Variants in MAGI1 observed in about 807,000 individuals in gnomAD.
The protein encoded by MAGI1 is membrane-associated guanylate kinase, WW and PDZ domain-containing protein 1.
In MAGI1, 58 loss-of-function variants were observed where a neutral mutation model predicts 139.9. That is an observed-to-expected ratio of 0.41 (90% CI 0.34 to 0.52). MAGI1 has a LOEUF of 0.52. MAGI1 is among the 20% of genes least tolerant of loss of function. The pLI, the probability that MAGI1 is intolerant of heterozygous loss-of-function variation, is 0.12. For synonymous variants in MAGI1, 812 were observed against 737.9 expected (o/e 1.10, Z -1.63); for missense variants, 1,874 against 1,901.6 (o/e 0.99, Z 0.27).
intron 1 of MAGI1, among the ~76,000 whole-genome samples, chr3:65,658,200 T>C (rs949084621): frequency 2.6e-5 from 4 of 152,192 alleles, no homozygotes; most frequent in Non-Finnish European, 5.9e-5. Context: ...AATTAACTGA[T>C]TTTGGCTCAA....
chr3:65,881,176 C>G (rs2060313858), intron 1 of MAGI1, among the ~76,000 whole-genome samples: 1 of 152,066 alleles, frequency 6.6e-6, no homozygotes, highest in Admixed American at 6.5e-5. Flanking sequence ...ATGAGCCACT[C>G]TGGCATCTGA....
chr3:65,388,724 C>A (rs2106960387), intron 14 of MAGI1, among the ~76,000 whole-genome samples: 1 of 151,288 alleles, frequency 6.6e-6, no homozygotes, highest in South Asian at 2.1e-4. Context: ...ATCTATCCGT[C>A]AACTACAGAG....
At chr3:65,888,785 A>G (rs183657182) in intron 1 of MAGI1, among the ~76,000 whole-genome samples, 60 of 152,334 alleles carry the variant, frequency 3.9e-4, no homozygotes, top group Middle Eastern at 6.8e-3. Context: ...AGACCTTCCA[A>G]TTCAATGCTC....
At chr3:65,404,902 T>G (rs987991308) in intron 12 of MAGI1, among the ~76,000 whole-genome samples, 6 of 152,234 alleles carry the variant, frequency 3.9e-5, no homozygotes, top group African/African-American at 7.2e-5. Context: ...ACACTTTGTA[T>G]GCCTTGTGGC....
In MAGI1 at chr3:65,478,627, T is replaced by C; in HGVS notation, c.722A>G (p.Glu241Gly). Reference protein sequence around the residue: ...AGIVHAENEEEDDVPEMNSSF... With the variant: ...AGIVHAENEEGDDVPEMNSSF... The stretch of plus-strand genomic sequence containing the variant: ...GCTGTTCATTTCAGGAACGTCATCC[T>C]CCTCCTCATTCTCCGCGTGGACTAT... Residue 241 changes from glutamate to glycine, a missense_variant, in exon 4 of 23, where the codon GAG (glutamate) becomes GGG (glycine). This residue lies in a region of MAGI1 where 648 missense variants were observed against 598.1 expected (regional missense o/e 1.08). Transcript: ENST00000402939. 1 of 1,614,062 alleles carries C rather than the reference T, an allele frequency of 6.2e-7. No individual in the cohort carries two copies. The highest frequency in any genetic ancestry group is 1.1e-5 in the South Asian group (1 of 91,082).
intron 2 of MAGI1, among the ~76,000 whole-genome samples, chr3:65,517,192 C>A (rs1292570549): frequency 1.3e-5 from 2 of 152,142 alleles, no homozygotes; most frequent in Non-Finnish European, 2.9e-5. Flanking sequence ...TGCCTCAGGG[C>A]CTTTGCACTT....
At chr3:65,803,950 T>C (rs766178982) in intron 1 of MAGI1, among the ~76,000 whole-genome samples, 4 of 152,180 alleles carry the variant, frequency 2.6e-5, no homozygotes, top group Non-Finnish European at 4.4e-5. Context: ...TCAACAAAAA[T>C]TGTAACCAAG....
intron 9 of MAGI1, among the ~76,000 whole-genome samples, chr3:65,439,594 C>T (rs982860638): frequency 5.9e-5 from 9 of 152,106 alleles, no homozygotes; most frequent in Non-Finnish European, 7.4e-5. Context: ...GCAAATACTG[C>T]GGGGGCAAGA....
chr3:65,599,337 T>C (rs927549090), intron 2 of MAGI1, among the ~76,000 whole-genome samples: 12 of 152,320 alleles, frequency 7.9e-5, no homozygotes, highest in African/African-American at 2.9e-4. Context: ...CTGGATTTCA[T>C]AGCAGATGAG....
intron 10 of MAGI1, among the ~76,000 whole-genome samples, chr3:65,432,664 T>C (rs868048841): frequency 6.6e-6 from 1 of 151,940 alleles, no homozygotes; most frequent in Non-Finnish European, 1.5e-5. Context: ...TGCCAAGGCG[T>C]TGGGAGGGTG....
intron 1 of MAGI1, among the ~76,000 whole-genome samples, chr3:66,014,021 T>C (rs2067490390): frequency 6.6e-6 from 1 of 152,040 alleles, no homozygotes; most frequent in Admixed American, 6.6e-5. Context: ...TTCCTCAATT[T>C]CCCTCATAAA....
Position 65,699,266 on chromosome 3 carries a change from T to G in MAGI1, c.314-77178A>C, listed in dbSNP as rs1376058650. ...GGATGTGGAGAAATAGGAACACTTTTACACTGTTGGTGGGACTGTAAACTA... is the reference window on the plus strand; with the variant it reads ...GGATGTGGAGAAATAGGAACACTTTGACACTGTTGGTGGGACTGTAAACTA... On this transcript the variant is annotated intron_variant, in intron 1 of 22. Transcript: ENST00000402939. Among the ~76,000 whole-genome samples, 14 of 120,802 alleles carry G rather than the reference T, an allele frequency of 1.2e-4. 1 individual carries two copies. Among genetic ancestry groups the G allele is most frequent in the African/African-American group, 3.2e-4 (9 of 28,026 alleles). The allele number at this position is 120,802 out of a possible 152,430, so 79.3% of individuals were successfully genotyped here.
intron 1 of MAGI1, among the ~76,000 whole-genome samples, chr3:65,961,679 C>T (rs1386286084): frequency 2.6e-5 from 4 of 152,170 alleles, no homozygotes; most frequent in African/African-American, 9.7e-5. Context: ...AGGCATTCCG[C>T]AGAAAACAGG....
chr3:65,377,789 G>A (rs555322686), intron 17 of MAGI1, among the ~76,000 whole-genome samples: 1 of 152,320 alleles, frequency 6.6e-6, no homozygotes, highest in South Asian at 2.1e-4. Context: ...AGCACTGTTA[G>A]TAATAGGCGT....
chr3:65,810,692 T>C (rs910809120), intron 1 of MAGI1, among the ~76,000 whole-genome samples: 2 of 152,234 alleles, frequency 1.3e-5, no homozygotes, highest in Non-Finnish European at 2.9e-5. Flanking sequence ...CTTGCATTTC[T>C]GCAATCAGCC....
chr3:65,869,606 T>C (rs2059865526), intron 1 of MAGI1, among the ~76,000 whole-genome samples: 1 of 151,948 alleles, frequency 6.6e-6, no homozygotes, highest in African/African-American at 2.4e-5. Context: ...TTCACTGTGT[T>C]AGCCAGGATG....
At chr3:65,430,913 T>C (rs1390512071) in intron 10 of MAGI1, 32 bp from the exon 11 acceptor site, 2 of 1,592,598 alleles carry the variant, frequency 1.3e-6, no homozygotes, top group African/African-American at 2.7e-5. Flanking sequence ...ATAAGGAATG[T>C]CACCACTGGT....
chr3:65,916,950 G>A (rs986236369), intron 1 of MAGI1, among the ~76,000 whole-genome samples: 2 of 152,024 alleles, frequency 1.3e-5, no homozygotes, highest in African/African-American at 2.4e-5. Flanking sequence ...ATATATTAAT[G>A]GTCCAAAAAA....
chr3:65,603,626 G>C (rs955397271), intron 2 of MAGI1, among the ~76,000 whole-genome samples: 1 of 152,190 alleles, frequency 6.6e-6, no homozygotes, highest in Non-Finnish European at 1.5e-5. Flanking sequence ...TGCTGGTCTT[G>C]TAAGCCTGAA....
Sources: allele counts gnomAD v4.1 joint callset (sites outside exome capture counted in the v4.1 genomes callset), GRCh38; gene constraint gnomAD v4.1.1; regional missense constraint gnomAD v4.1.1; transcripts MANE v1.5; gene names NCBI Gene and HGNC (gene_info 2026-07-23, HGNC 2026-07-21).